Variants in UBXN8 observed in about 807,000 individuals in gnomAD.
The protein encoded by UBXN8 is UBX domain protein 8, also known as UBX domain-containing protein 8.
Under a neutral mutation model 32.1 loss-of-function variants are expected in UBXN8, and 27 were observed. The ratio of observed to expected loss-of-function variants is 0.84; its 90% CI spans 0.62 to 1.16. UBXN8 has a LOEUF of 1.16. UBXN8 is among the 50% of genes most tolerant of loss of function. The pLI is 0.00. For synonymous variants in UBXN8, 109 were observed against 111.8 expected, an observed-to-expected ratio of 0.98 and a Z score of 0.16; for missense variants, 306 against 311.4, an observed-to-expected ratio of 0.98 and a Z score of 0.13.
At chr8:30,740,008 C>A (rs777336617), upstream of UBXN8, among the ~76,000 whole-genome samples, 19 of 152,228 alleles carry the variant, frequency 1.2e-4, 1 homozygote, top group Admixed American at 7.2e-4. Flanking sequence ...CTCAAGTGAT[C>A]CTTCTGCCTC....
chr8:30,758,873 TTTTTTTTGTTTG>T lies in UBXN8; in HGVS notation c.528+1994_529-1996del, dbSNP rs1251295997. Among the ~76,000 whole-genome samples, 34 of 101,368 alleles carry T rather than the reference TTTTTTTTGTTTG, an allele frequency of 3.4e-4. 1 individual carries two copies. The highest frequency in any genetic ancestry group is 2.2e-3 in the Admixed American group (24 of 10,798). 66.5% of individuals were successfully genotyped at this position (101,368 alleles called of 152,430 possible). A position where few individuals can be genotyped will look rare whatever the true frequency, so the allele number is the denominator to read the frequency against. On this transcript the variant is annotated intron_variant, in intron 5 of 7. Coordinates refer to ENST00000265616, the MANE Select transcript of UBXN8 (RefSeq NM_005671.4). ...GAGATGAAGTCATTGGTAACAAATGTTTTTTTTGTTTGTTTTTTTTGTTTTTTTTTTTTTTTT... is the reference window on the plus strand; with the variant it reads ...GAGATGAAGTCATTGGTAACAAATGTTTTTTTTTGTTTTTTTTTTTTTTTT...
chr8:30,760,970 A>G (rs939292272), intron 6 of UBXN8, 41 bp downstream of exon 6: 4 of 1,388,184 alleles, frequency 2.9e-6, no homozygotes, highest in Non-Finnish European at 2.9e-6. Flanking sequence ...CTTATTTTCT[A>G]TTTTCTTTGC....
chr8:30,743,903 G>C (rs980371884), upstream of UBXN8, among the ~76,000 whole-genome samples: 7 of 152,194 alleles, frequency 4.6e-5, no homozygotes, highest in Admixed American at 3.9e-4. Context: ...GACCGAAGGG[G>C]CAGCCCCTGC....
At chr8:30,759,087 G>C (rs1230212894) in intron 5 of UBXN8, among the ~76,000 whole-genome samples, 2 of 151,238 alleles carry the variant, frequency 1.3e-5, no homozygotes, top group Non-Finnish European at 2.9e-5. Flanking sequence ...TAGAGACAGG[G>C]TTCCATCGTG....
chr8:30,742,824 GTATATCTCTATCA>G (rs1805241790), upstream of UBXN8, among the ~76,000 whole-genome samples: 1 of 151,902 alleles, frequency 6.6e-6, no homozygotes, highest in South Asian at 2.1e-4. Context: ...AACACCCTGT[GTATATCTCTATCA>G]TAGCACTCAG....
chr8:30,743,960 G>A (rs1182797230), upstream of UBXN8, among the ~76,000 whole-genome samples: 1 of 152,232 alleles, frequency 6.6e-6, no homozygotes, highest in Non-Finnish European at 1.5e-5. Context: ...AGGCTCCTCT[G>A]GACATCATGT....
Position 30,760,443 on chromosome 8 carries a change from A to ATATATAT in UBXN8, c.529-444_529-443insATATATT, listed in dbSNP as rs1196366158. 5.7e-3 allele frequency among the ~76,000 whole-genome samples: 520 copies of ATATATAT among 91,086 alleles called. 8 individuals carry two copies. Among genetic ancestry groups the ATATATAT allele is most frequent in the South Asian group, 0.021 (51 of 2,442 alleles). The allele number at this position is 91,086 out of a possible 152,430, so 59.8% of individuals were successfully genotyped here. A position where few individuals can be genotyped will look rare whatever the true frequency, so the allele number is the denominator to read the frequency against. ...ATCATATATATATATATATATATAT[A>ATATATAT]TTTTTTTTTTTTTTTAAAGTGACAG... is the stretch of plus-strand genomic sequence containing the variant. On this transcript the variant is annotated intron_variant, in intron 5 of 7. Coordinates refer to ENST00000265616, the MANE Select transcript of UBXN8 (RefSeq NM_005671.4).
chr8:30,744,446 A>T (rs532398193), intron 1 of UBXN8, 169 bp downstream of exon 1: 12 of 664,078 alleles, frequency 1.8e-5, no homozygotes, highest in African/African-American at 1.8e-4. Context: ...ACTTCGAGGA[A>T]CCTTTTCCCT....
chr8:30,754,506 G>A, intron 3 of UBXN8, 159 bp from the exon 4 acceptor site: 2 of 914,182 alleles, frequency 2.2e-6, no homozygotes, highest in Admixed American at 2.3e-5. Flanking sequence ...CCAGCTGTCG[G>A]CACGAGCCTC....
upstream of UBXN8, chr8:30,732,282 C>T (rs186657708): frequency 2.3e-5 from 9 of 397,466 alleles, no homozygotes; most frequent in East Asian, 3.6e-5. Flanking sequence ...CAGTCGGGTG[C>T]GCCAAGAGAA....
At chr8:30,761,098 C>G (rs1487132722) in intron 6 of UBXN8, among the ~76,000 whole-genome samples, 169 bp downstream of exon 6, 1 of 152,150 alleles carries the variant, frequency 6.6e-6, no homozygotes, top group African/African-American at 2.4e-5. Flanking sequence ...CAGGGTCTCA[C>G]TATGTTGCCT....
chr8:30,738,379 G>A (rs1805112196), intron 1 of UBXN8, among the ~76,000 whole-genome samples: 1 of 151,902 alleles, frequency 6.6e-6, no homozygotes, highest in African/African-American at 2.4e-5. Flanking sequence ...TAATAATAAA[G>A]GCCGTGTGCG....
intron 5 of UBXN8, among the ~76,000 whole-genome samples, chr8:30,757,626 C>T (rs567991434): frequency 6.3e-4 from 95 of 150,028 alleles, no homozygotes; most frequent in East Asian, 4.5e-3. Context: ...TTTGGGAGGC[C>T]GAGGTGGGTG....
At chr8:30,734,966 G>A (rs769944597) in intron 1 of UBXN8, among the ~76,000 whole-genome samples, 2 of 152,072 alleles carry the variant, frequency 1.3e-5, no homozygotes, top group Non-Finnish European at 2.9e-5. Context: ...CTGGACAAAC[G>A]TAGGTGATTT....
rs1805909519 is a variant in UBXN8 at position 30,763,317 on chromosome 8, GAGA to G, written c.618_620del (p.Arg207del). On this transcript the variant is annotated inframe_deletion, in exon 7 of 8. Transcript: ENST00000265616. Reference sequence around the variant, plus strand: ...GATGTCCCAGTGGGAATGTCCTGAGGAGAAGGTTTTTGAAGTCCTACAGCTCAC... The same window carrying G: ...GATGTCCCAGTGGGAATGTCCTGAGGAGGTTTTTGAAGTCCTACAGCTCAC... 11 of 1,613,708 alleles carry G rather than the reference GAGA, an allele frequency of 6.8e-6. No homozygotes were observed. The highest frequency in any genetic ancestry group is 2.7e-5 in the African/African-American group (2 of 74,914).
intron 3 of UBXN8, 33 bp from the exon 4 acceptor site, chr8:30,754,632 T>G: frequency 6.5e-7 from 1 of 1,527,798 alleles, no homozygotes; most frequent in Non-Finnish European, 8.7e-7. Flanking sequence ...CATTAATGGA[T>G]AGTAACAACA....
Position 30,751,412 on chromosome 8 carries a change from T to A in UBXN8, c.105T>A (p.Leu35=). Residue 35 remains leucine (L), a synonymous_variant, in exon 2 of 8, where the codon CTT becomes CTA. Transcript: ENST00000265616. ...CTTTATCAGGAATCAAGGATTTTCTTTTGCTTTGTGGCCGGATTTTGCTAC... is the reference window on the plus strand; with the variant it reads ...CTTTATCAGGAATCAAGGATTTTCTATTGCTTTGTGGCCGGATTTTGCTAC... ...GIPDIGIKDF[L]LLCGRILLLL... The A allele has an allele frequency of 6.3e-7, 1 of 1,588,844 alleles. No homozygotes were observed. Among genetic ancestry groups the A allele is most frequent in the Non-Finnish European group, 8.6e-7 (1 of 1,167,110 alleles).
Position 30,762,649 on chromosome 8 carries a change from C to A in UBXN8, c.571-624C>A, listed in dbSNP as rs1022050587. Among the ~76,000 whole-genome samples, 22 of 151,942 alleles carry A rather than the reference C, an allele frequency of 1.4e-4. No individual in the cohort carries two copies. In the South Asian group the frequency reaches 2.1e-3, roughly 14 times the overall value. On this transcript the variant is annotated intron_variant, in intron 6 of 7. Transcript: ENST00000265616. Reference sequence around the variant, plus strand: ...CTCAAGTGATCCGCCCACCTTGGCCCCCCAAAGTGCTGGGATTACAGGCCT... The same window carrying A: ...CTCAAGTGATCCGCCCACCTTGGCCACCCAAAGTGCTGGGATTACAGGCCT...
intron 4 of UBXN8, among the ~76,000 whole-genome samples, chr8:30,755,622 A>G (rs1252174052): frequency 1.3e-5 from 2 of 151,224 alleles, no homozygotes; most frequent in Non-Finnish European, 2.9e-5. Context: ...CAGACGTGGT[A>G]GTGTGTGGCT....
Sources: gnomAD v4.1 joint callset for allele counts (sites outside exome capture counted in the v4.1 genomes callset) on GRCh38, gnomAD v4.1.1 for gene constraint, MANE v1.5 for transcripts, NCBI Gene and HGNC (gene_info 2026-07-23, HGNC 2026-07-21) for gene names.